The following GAS7 variants were observed in gnomAD, a reference collection of about 807,000 sequenced individuals.
The protein encoded by GAS7 is growth arrest specific 7.
A neutral mutation model predicts 71.1 loss-of-function variants in GAS7; 28 were observed. That is an observed-to-expected ratio of 0.39 (90% CI 0.29 to 0.54). The LOEUF (loss-of-function observed/expected upper bound fraction) is 0.54, where lower values mean the gene tolerates loss of function less well. Ranked by LOEUF, GAS7 falls within the 20% of genes least tolerant of loss-of-function variation. The pLI is 0.62. For synonymous variants in GAS7, 258 were observed against 245.8 expected (o/e 1.05, Z -0.46); for missense variants, 436 against 627.8 (o/e 0.69, Z 3.27).
intron 2 of GAS7, among the ~76,000 whole-genome samples, chr17:10,013,942 C>T (rs1437160648): frequency 1.3e-5 from 2 of 152,170 alleles, no homozygotes; most frequent in Non-Finnish European, 2.9e-5. Flanking sequence ...AACACAAATC[C>T]TGGGCCACCC....
intron 1 of GAS7, among the ~76,000 whole-genome samples, chr17:10,150,375 T>C (rs920382343): frequency 1.4e-5 from 2 of 147,762 alleles, no homozygotes; most frequent in Non-Finnish European, 3.0e-5. Context: ...TTTCTTCCTC[T>C]CCTTTTCTTC....
chr17:10,127,422 T>G (rs2073959933), intron 1 of GAS7, among the ~76,000 whole-genome samples: 2 of 152,024 alleles, frequency 1.3e-5, no homozygotes, highest in African/African-American at 2.4e-5. Flanking sequence ...CGGGGAGTAT[T>G]GCACACCGAG....
At chr17:9,967,514 A>G (rs894177034) in intron 4 of GAS7, among the ~76,000 whole-genome samples, 3 of 152,156 alleles carry the variant, frequency 2.0e-5, no homozygotes, top group African/African-American at 7.2e-5. Context: ...GAGCCACCGT[A>G]CGTTTTCCAG....
At chr17:9,983,366 C>CT (rs938515538) in intron 2 of GAS7, among the ~76,000 whole-genome samples, 2 of 152,136 alleles carry the variant, frequency 1.3e-5, no homozygotes, top group Non-Finnish European at 2.9e-5. Context: ...TAGCACGTGC[C>CT]TGTGGTCCCA....
intron 2 of GAS7, among the ~76,000 whole-genome samples, chr17:9,985,920 C>T (rs1422784331): frequency 1.3e-5 from 2 of 152,244 alleles, no homozygotes; most frequent in Non-Finnish European, 2.9e-5. Flanking sequence ...CCTACTGAAA[C>T]TCCTGCATGT....
chr17:10,057,821 G>A (rs1217060794), intron 1 of GAS7, among the ~76,000 whole-genome samples: 1 of 152,264 alleles, frequency 6.6e-6, no homozygotes, highest in Non-Finnish European at 1.5e-5. Context: ...GGGAAATGTG[G>A]GGAAAAGATA....
In GAS7 at chr17:9,974,037, C is replaced by G. The variant is rs1023199211; in HGVS notation, c.386-4275G>C. 1.3e-5 allele frequency among the ~76,000 whole-genome samples: 2 copies of G among 152,166 alleles called. No individual in the cohort carries two copies. Among genetic ancestry groups the G allele is most frequent in the African/African-American group, 4.8e-5 (2 of 41,428 alleles). ...GGTCCTGCCTCTCCTCTGCCCCAGT[C>G]TTTCCCCACACTTGCAGCCGCCAGG... On this transcript the variant is annotated intron_variant, in intron 3 of 13. Transcript: ENST00000432992. The surrounding 1 kb of genome is among the most constrained non-coding windows in gnomAD (Gnocchi z 4.0).
chr17:10,164,798 G>A (rs1002284087), intron 1 of GAS7, among the ~76,000 whole-genome samples: 2 of 145,950 alleles, frequency 1.4e-5, no homozygotes. Context: ...TTCAAGACAA[G>A]ACTGGGCAAC....
intron 2 of GAS7, among the ~76,000 whole-genome samples, chr17:9,995,908 G>A (rs1236740015): frequency 6.6e-6 from 1 of 152,232 alleles, no homozygotes; most frequent in Non-Finnish European, 1.5e-5. Flanking sequence ...TGGAGCTGCT[G>A]AAGTGCATGA....
chr17:10,123,791 AGAG>A (rs1252038506), intron 1 of GAS7, among the ~76,000 whole-genome samples: 2 of 152,354 alleles, frequency 1.3e-5, no homozygotes, highest in East Asian at 1.9e-4. Context: ...CCCACAGGTA[AGAG>A]GAGGGGCGCA....
chr17:10,191,553 G>A (rs1219320698), intron 1 of GAS7, among the ~76,000 whole-genome samples: 3 of 84,190 alleles, frequency 3.6e-5, no homozygotes, highest in Non-Finnish European at 6.6e-5. Flanking sequence ...AAGACCCTGT[G>A]TCAAAAAAAA....
At chr17:9,930,710 AAT>A (rs1219771424) in intron 9 of GAS7, among the ~76,000 whole-genome samples, 1 of 152,188 alleles carries the variant, frequency 6.6e-6, no homozygotes, top group Admixed American at 6.5e-5. Context: ...GCAGAATTTC[AAT>A]AAGTCTTTTG....
At chr17:10,140,814 T>G (rs1597815064) in intron 1 of GAS7, among the ~76,000 whole-genome samples, 1 of 152,240 alleles carries the variant, frequency 6.6e-6, no homozygotes, top group Non-Finnish European at 1.5e-5. Context: ...AGACTCAGTC[T>G]GCTACTCTGC....
chr17:10,062,480 G>T (rs1195117467), intron 1 of GAS7, among the ~76,000 whole-genome samples: 2 of 152,234 alleles, frequency 1.3e-5, no homozygotes, highest in East Asian at 3.9e-4. Flanking sequence ...GTGAGACTCT[G>T]TCTCAAAAAT....
chr17:9,954,267 C>A (rs1191259835), intron 5 of GAS7, among the ~76,000 whole-genome samples: 1 of 152,134 alleles, frequency 6.6e-6, no homozygotes, highest in Admixed American at 6.5e-5. Flanking sequence ...AGGGAGTAGA[C>A]AAGACTGAGC....
chr17:10,144,304 G>T (rs2074105699), intron 1 of GAS7, among the ~76,000 whole-genome samples: 1 of 152,176 alleles, frequency 6.6e-6, no homozygotes, highest in Non-Finnish European at 1.5e-5. Context: ...CGCCCAGGAG[G>T]ACAGGTGAGC....
Position 10,174,474 on chromosome 17 carries a change from C to T in GAS7, c.183+23734G>A, listed in dbSNP as rs577455429. On this transcript the variant is annotated intron_variant, in intron 1 of 13. Coordinates refer to ENST00000432992, the MANE Select transcript of GAS7 (RefSeq NM_201433.2). Reference sequence around the variant, plus strand: ...CTGGGAGGCCGAGACGGGCGGATCACGAGGTCAGGAGATGGAGACCATCCT... The same window carrying T: ...CTGGGAGGCCGAGACGGGCGGATCATGAGGTCAGGAGATGGAGACCATCCT... 1.2e-4 allele frequency among the ~76,000 whole-genome samples: 19 copies of T among 152,220 alleles called. No homozygotes were observed. The South Asian group carries it at 3.1e-3, about 25-fold the overall frequency.
rs1419304368 is a variant in GAS7 at position 9,919,462 on chromosome 17, C to G, written c.1218+164G>C. Among the ~76,000 whole-genome samples the G allele has an allele frequency of 6.6e-6, 1 of 152,140 alleles. No individual in the cohort carries two copies. The highest frequency in any genetic ancestry group is 1.5e-5 in the Non-Finnish European group (1 of 68,022). ...GCGCTGGAGCAGAGATCTGAATCCA[C>G]ATAAGCTGGCTCACATTGAGGTTTC... On this transcript the variant is annotated intron_variant, in intron 12 of 13. Transcript: ENST00000432992. The surrounding 1 kb of genome is among the most constrained non-coding windows in gnomAD (Gnocchi z 5.0).
At chr17:10,007,635 AAAAAAAAAAAAAAAAG>A (rs1224556603) in intron 2 of GAS7, among the ~76,000 whole-genome samples, 1 of 147,844 alleles carries the variant, frequency 6.8e-6, no homozygotes, top group Non-Finnish European at 1.5e-5. Flanking sequence ...CAAAAAAAAA[AAAAAAAAAAAAAAAAG>A]AACAGTTTCT....
Sources: gnomAD v4.1 joint callset for allele counts (sites outside exome capture counted in the v4.1 genomes callset) on GRCh38, gnomAD v4.1.1 for gene constraint, Gnocchi (gnomAD v3.1) non-coding constraint, MANE v1.5 for transcripts, NCBI Gene and HGNC (gene_info 2026-07-23, HGNC 2026-07-21) for gene names.